SI: variants seen among roughly 807,000 people sequenced by gnomAD.
SI encodes the protein sucrase-isomaltase, intestinal.
Under a neutral mutation model 253.3 loss-of-function variants are expected in SI, and 235 were observed. The observed-to-expected ratio is 0.93, with a 90% CI of 0.83 to 1.03. The LOEUF (loss-of-function observed/expected upper bound fraction) is 1.03, where lower values mean the gene tolerates loss of function less well. Ranked by LOEUF, SI falls within the 50% of genes least tolerant of loss-of-function variation. The pLI is 0.00. For synonymous variants in SI, 819 were observed against 712.0 expected (o/e 1.15, Z -2.39); for missense variants, 2,442 against 2,211.1 (o/e 1.10, Z -2.09).
chr3:165,021,430 G>C, intron 26 of SI, 47 bp from the exon 27 acceptor site: 1 of 1,409,594 alleles, frequency 7.1e-7, no homozygotes, highest in Non-Finnish European at 1.0e-6. Flanking sequence ...TGCTGACATA[G>C]CATGTACATA....
chr3:165,057,735 T>A (rs1335289697), intron 12 of SI, among the ~76,000 whole-genome samples: 1 of 151,362 alleles, frequency 6.6e-6, no homozygotes, highest in Non-Finnish European at 1.5e-5. Context: ...CTTAGTAGAC[T>A]ACATCCAGTG....
At chr3:165,029,020 A>G (rs1012236127) in intron 25 of SI, among the ~76,000 whole-genome samples, 1 of 151,544 alleles carries the variant, frequency 6.6e-6, no homozygotes, top group African/African-American at 2.4e-5. Flanking sequence ...TTCACCATCT[A>G]TACATCTGAC....
chr3:165,074,653 T>C lies in SI; in HGVS notation c.133A>G (p.Thr45Ala). The C allele has an allele frequency of 6.2e-7, 1 of 1,609,628 alleles. No homozygotes were observed. The highest frequency in any genetic ancestry group is 8.5e-7 in the Non-Finnish European group (1 of 1,176,788). The stretch of plus-strand genomic sequence containing the variant: ...ACACGAGTAGTAGCTGGAGTTGAAG[T>C]AGAATCACTAATTTCTGGGGGAGGA... ...TPAVDEISDS[T>A]STPATTRVTT... The change falls in exon 3 of 48, where the codon ACT becomes GCT. Residue 45 changes from threonine to alanine, a missense_variant. Thr to Ala is a moderately conservative substitution (Grantham distance 58). Transcript: ENST00000264382.
At chr3:165,086,051 C>T in the SI span, among the ~76,000 whole-genome samples, 15 of 152,080 alleles carry the variant, frequency 9.9e-5, no homozygotes, top group East Asian at 1.9e-4. Flanking sequence ...GTCAGGAGTT[C>T]GAGACCAGCC....
At chr3:165,045,857 T>A (rs1378722261) in intron 16 of SI, among the ~76,000 whole-genome samples, 1 of 150,652 alleles carries the variant, frequency 6.6e-6, no homozygotes, top group Non-Finnish European at 1.5e-5. Flanking sequence ...AATTTTTTTT[T>A]TTTTTTTTTT....
At chr3:165,012,356 T>G (rs1718812347) in intron 34 of SI, among the ~76,000 whole-genome samples, 1 of 152,338 alleles carries the variant, frequency 6.6e-6, no homozygotes, top group East Asian at 1.9e-4. Flanking sequence ...TGATTTATTA[T>G]ATGAATAAAC....
At chr3:164,984,030 G>A (rs140507934) in intron 45 of SI, among the ~76,000 whole-genome samples, 128 of 151,976 alleles carry the variant, frequency 8.4e-4, no homozygotes, top group African/African-American at 2.8e-3. Flanking sequence ...TATTCCCACC[G>A]TATAGAAGAG....
At chr3:165,066,919 T>C (rs1298140805) in intron 6 of SI, among the ~76,000 whole-genome samples, 2 of 151,976 alleles carry the variant, frequency 1.3e-5, no homozygotes, top group African/African-American at 4.8e-5. Flanking sequence ...AAGGTGTTCA[T>C]TCTATATTGG....
intron 17 of SI, among the ~76,000 whole-genome samples, chr3:165,042,825 A>G (rs1712911708): frequency 6.6e-6 from 1 of 152,092 alleles, no homozygotes; most frequent in Non-Finnish European, 1.5e-5. Context: ...AGTCTCAACT[A>G]AAATATTTGT....
chr3:165,074,596 G>A lies in SI; in HGVS notation c.190C>T (p.Pro64Ser). The change falls in exon 3 of 48, where the codon CCA (proline) becomes TCA (serine). Residue 64 changes from proline (P) to serine (S), a missense_variant. Pro to Ser is a moderately conservative substitution (Grantham distance 74). Coordinates refer to ENST00000264382, the MANE Select transcript of SI (RefSeq NM_001041.4). ...TTNPSDSGKC[P>S]NVLNDPVNVR... The stretch of plus-strand genomic sequence containing the variant: ...TTGACAGGATCATTTAACACATTTG[G>A]ACATTTTCCTGAATCAGAAGGATTT... 1 of 1,610,140 alleles carries A rather than the reference G, an allele frequency of 6.2e-7. No homozygotes were observed. Among genetic ancestry groups the A allele is most frequent in the East Asian group, 2.2e-5 (1 of 44,626 alleles).
intron 13 of SI, among the ~76,000 whole-genome samples, chr3:165,052,389 T>C (rs560498593): frequency 6.6e-6 from 1 of 152,126 alleles, no homozygotes; most frequent in Non-Finnish European, 1.5e-5. Flanking sequence ...ATTCAAATCA[T>C]CTTAAGTCTA....
intron 16 of SI, among the ~76,000 whole-genome samples, chr3:165,046,485 T>C (rs1713123607): frequency 6.6e-6 from 1 of 152,056 alleles, no homozygotes; most frequent in African/African-American, 2.4e-5. Flanking sequence ...ATATTTTAAG[T>C]AGACTTAGAC....
chr3:164,992,616 C>T (rs1278985186), intron 41 of SI, among the ~76,000 whole-genome samples: 4 of 151,548 alleles, frequency 2.6e-5, no homozygotes, highest in Admixed American at 6.6e-5. Context: ...ACTAAATTTC[C>T]GGAGAAAATA....
At chr3:165,085,449 T>C in the SI span, among the ~76,000 whole-genome samples, 1 of 152,148 alleles carries the variant, frequency 6.6e-6, no homozygotes, top group African/African-American at 2.4e-5. Flanking sequence ...GAAACATAAG[T>C]TTTTGGGCAC....
chr3:165,082,831 T>A (rs1411743859), upstream of SI, among the ~76,000 whole-genome samples: 1 of 151,968 alleles, frequency 6.6e-6, no homozygotes, highest in East Asian at 1.9e-4. Context: ...AACTCAAATG[T>A]GGTCAAACAA....
intron 18 of SI, among the ~76,000 whole-genome samples, chr3:165,040,572 G>A (rs9290250): frequency 0.98 from 148,704 of 152,120 alleles, 72,701 homozygotes; most frequent in Middle Eastern, 1. Context: ...ATGCAAAGAT[G>A]AGCACAATTT....
intron 47 of SI, among the ~76,000 whole-genome samples, chr3:164,981,005 C>T (rs1717161982): frequency 6.6e-6 from 1 of 151,724 alleles, no homozygotes; most frequent in Non-Finnish European, 1.5e-5. Flanking sequence ...AATTAATTTC[C>T]TTCTTTGGGG....
chr3:165,012,706 A>G (rs1718827522), intron 34 of SI, among the ~76,000 whole-genome samples: 1 of 152,184 alleles, frequency 6.6e-6, no homozygotes, highest in South Asian at 2.1e-4. Flanking sequence ...CTGGGATTAC[A>G]GGCATGAGCC....
At position 165,065,464 on chromosome 3, in the gene SI, AATATATATAT is replaced by A. The variant is rs66946322; in HGVS notation, c.636-42_636-33del. ...CATAAAAGAAATAAAGAAATAATCT[AATATATATAT>A]ATATATATATATATATATATGATAT... On this transcript the variant is annotated intron_variant, in intron 6 of 47. Transcript: ENST00000264382. 115 of 209,704 alleles carry A rather than the reference AATATATATAT, an allele frequency of 5.5e-4. 7 individuals carry two copies. Among genetic ancestry groups the A allele is most frequent in the South Asian group, 4.1e-3 (51 of 12,450 alleles). 13.0% of individuals were successfully genotyped at this position (209,704 alleles called of 1,614,324 possible).
Sources: allele counts gnomAD v4.1 joint callset (sites outside exome capture counted in the v4.1 genomes callset), GRCh38; gene constraint gnomAD v4.1.1; transcripts MANE v1.5; gene names NCBI Gene and HGNC (gene_info 2026-07-23, HGNC 2026-07-21).